Variants in SLC38A10 observed in about 807,000 individuals in gnomAD.
SLC38A10 encodes the protein Sodium-coupled neutral amino acid transporter 10.
In SLC38A10, 53 loss-of-function variants were observed where a neutral mutation model predicts 81.0. The observed-to-expected ratio is 0.65, with a 90% CI of 0.53 to 0.82. SLC38A10 has a LOEUF of 0.82. Ranked by LOEUF, SLC38A10 falls within the 40% of genes least tolerant of loss-of-function variation. SLC38A10 has a pLI of 0.00. For synonymous variants in SLC38A10, 665 were observed against 655.3 expected (o/e 1.01, Z -0.23); for missense variants, 1,471 against 1,545.0 (o/e 0.95, Z 0.80).
chr17:81,260,431 C>G (rs2063011702), intron 10 of SLC38A10, 37 bp from the exon 11 acceptor site: 1 of 1,585,966 alleles, frequency 6.3e-7, no homozygotes, highest in Non-Finnish European at 8.6e-7. Flanking sequence ...GGAGTCACAG[C>G]TGGCCCCCGC....
At position 81,276,155 on chromosome 17, in the gene SLC38A10, T is replaced by C. The variant is rs1263535630; in HGVS notation, c.730-4A>G. The C allele has an allele frequency of 6.2e-7, 1 of 1,606,810 alleles. No homozygotes were observed. The highest frequency in any genetic ancestry group is 2.2e-5 in the East Asian group (1 of 44,650). Reference sequence around the variant, plus strand: ...TGACGTAGCCGAAAAACCCCACCTGTTGGAGAATAAGAAATGGCAACGTGG... The same window carrying C: ...TGACGTAGCCGAAAAACCCCACCTGCTGGAGAATAAGAAATGGCAACGTGG... On this transcript the variant is annotated splice_region_variant and splice_polypyrimidine_tract_variant and intron_variant, in intron 7 of 15. Coordinates refer to ENST00000374759, the MANE Select transcript of SLC38A10 (RefSeq NM_001037984.3). The surrounding 1 kb of genome is among the most constrained non-coding windows in gnomAD (Gnocchi z 4.7).
At chr17:81,268,092 TGATGAACGCCAAGCAGAA>T (rs1049103957) in intron 10 of SLC38A10, among the ~76,000 whole-genome samples, 38 of 151,654 alleles carry the variant, frequency 2.5e-4, no homozygotes, top group Admixed American at 2.0e-3. Context: ...GCCAGCAAGA[TGATGAACGCCAAGCAGAA>T]GATGAACGCC....
chr17:81,285,157 CAAAG>C (rs2063252473), intron 2 of SLC38A10: 2 of 384,590 alleles, frequency 5.2e-6, no homozygotes, highest in South Asian at 5.2e-5. Context: ...TTTTAACAGA[CAAAG>C]AGACAAGTCC....
chr17:81,285,066 T>G, intron 2 of SLC38A10, 171 bp from the exon 3 acceptor site: 1 of 490,552 alleles, frequency 2.0e-6, no homozygotes, highest in Non-Finnish European at 3.7e-6. Context: ...TTGGATCTAC[T>G]GTCTGCAAAT....
chr17:81,293,111 C>T (rs193253877), intron 1 of SLC38A10, among the ~76,000 whole-genome samples: 50 of 152,322 alleles, frequency 3.3e-4, no homozygotes, highest in African/African-American at 1.2e-3. Context: ...TGCAGTGAGC[C>T]GAGACTGCAC....
intron 14 of SLC38A10, among the ~76,000 whole-genome samples, chr17:81,249,910 G>A (rs372081457): frequency 1.8e-4 from 28 of 152,254 alleles, no homozygotes; most frequent in East Asian, 7.7e-4. Context: ...CCCTGCCTGA[G>A]GGGCTGTGGC....
chr17:81,287,964 C>A (rs1455571583), intron 2 of SLC38A10, among the ~76,000 whole-genome samples: 1 of 152,240 alleles, frequency 6.6e-6, no homozygotes, highest in Non-Finnish European at 1.5e-5. Flanking sequence ...CCCGCCCAGG[C>A]ACGGTGCCTC....
chr17:81,295,110 G>A lies in SLC38A10; in HGVS notation c.-189C>T, dbSNP rs1317054451. 1 of 1,100,654 alleles carries A rather than the reference G, an allele frequency of 9.1e-7. No individual in the cohort carries two copies. Among genetic ancestry groups the A allele is most frequent in the Non-Finnish European group, 1.1e-6 (1 of 872,968 alleles). The allele number at this position is 1,100,654 out of a possible 1,614,324, so 68.2% of individuals were successfully genotyped here. On this transcript the variant is annotated 5_prime_UTR_variant, in exon 1 of 16. Transcript: ENST00000374759. The stretch of plus-strand genomic sequence containing the variant: ...CGGGCCCCAGAGGCTGCCTGGAGGA[G>A]GCAGCCTCGAAGGCCGGCTGCGGGG...
intron 2 of SLC38A10, among the ~76,000 whole-genome samples, chr17:81,287,407 G>A (rs2063276697): frequency 6.6e-6 from 1 of 152,276 alleles, no homozygotes; most frequent in South Asian, 2.1e-4. Flanking sequence ...CAAGGGCCTC[G>A]CCTCAGCTCC....
rs182086387 is a variant in SLC38A10, at chr17:81,283,155, C to T, written c.357+254G>A. Among the ~76,000 whole-genome samples the T allele has an allele frequency of 9.0e-4, 137 of 152,274 alleles. No homozygotes were observed. The highest frequency in any genetic ancestry group is 1.6e-3 in the Non-Finnish European group (107 of 68,012). On this transcript the variant is annotated intron_variant, in intron 4 of 15. Transcript: ENST00000374759. The surrounding 1 kb of genome is among the most constrained non-coding windows in gnomAD (Gnocchi z 4.7). Reference sequence around the variant, plus strand: ...GCAGAGACTTGCTCTGCACTGTGCCCGGGTCTGAGGCTCCCCCACCCGCCC... The same window carrying T: ...GCAGAGACTTGCTCTGCACTGTGCCTGGGTCTGAGGCTCCCCCACCCGCCC...
At chr17:81,274,746 C>G (rs939881197) in intron 8 of SLC38A10, among the ~76,000 whole-genome samples, 9 of 152,126 alleles carry the variant, frequency 5.9e-5, no homozygotes, top group Non-Finnish European at 1.3e-4. Flanking sequence ...ACGCTCGGGG[C>G]GAAAGACAGC....
At chr17:81,263,546 C>A (rs1401332259) in intron 10 of SLC38A10, 1 of 152,416 alleles carries the variant, frequency 6.6e-6, no homozygotes, top group African/African-American at 2.4e-5. Flanking sequence ...TTGCTGAGAC[C>A]CCTCGTCCTG....
At position 81,276,526 on chromosome 17, in the gene SLC38A10, G is replaced by A. The variant is rs1041472456; in HGVS notation, c.730-375C>T. The stretch of plus-strand genomic sequence containing the variant: ...CCTGCCTCAGCCTCCCGAGTAGCCG[G>A]GTTTACATGCACGTGCCACCATGCC... On this transcript the variant is annotated intron_variant, in intron 7 of 15. Coordinates refer to ENST00000374759, the MANE Select transcript of SLC38A10 (RefSeq NM_001037984.3). This position sits in a 1 kb window ranked among gnomAD's most constrained non-coding sequence, Gnocchi z 4.7. Among the ~76,000 whole-genome samples the A allele has an allele frequency of 1.3e-5, 2 of 151,840 alleles. No homozygotes were observed. Among genetic ancestry groups the A allele is most frequent in the Admixed American group, 6.6e-5 (1 of 15,236 alleles).
At position 81,277,225 on chromosome 17, in the gene SLC38A10, G is replaced by A. The variant is rs1392674072; in HGVS notation, c.627-92C>T. 93 of 1,121,682 alleles carry A rather than the reference G, an allele frequency of 8.3e-5. No individual in the cohort carries two copies. The Admixed American group carries it at 1.7e-3, about 21-fold the overall frequency. 69.5% of individuals were successfully genotyped at this position (1,121,682 alleles called of 1,614,324 possible). A position where few individuals can be genotyped will look rare whatever the true frequency, so the allele number is the denominator to read the frequency against. The stretch of plus-strand genomic sequence containing the variant: ...CTAGGACCTCTCTGCAGCCCAGTGA[G>A]AGTCTCTGACCTTCCTTCATGCAAC... On this transcript the variant is annotated intron_variant, in intron 6 of 15. Transcript: ENST00000374759. The surrounding 1 kb of genome is among the most constrained non-coding windows in gnomAD (Gnocchi z 4.5).
rs747119920 is a variant in SLC38A10 at position 81,289,650 on chromosome 17, C to T, written c.217+41G>A. ...AAATAAATAAATGGAATAAGGCCCC[C>T]GCCCCAGGTCCAGAGCCACCTTGTG... On this transcript the variant is annotated intron_variant, in intron 2 of 15. Transcript: ENST00000374759. The surrounding 1 kb of genome is among the most constrained non-coding windows in gnomAD (Gnocchi z 5.9). 12 of 1,414,132 alleles carry T rather than the reference C, an allele frequency of 8.5e-6. No homozygotes were observed. Among genetic ancestry groups the T allele is most frequent in the Admixed American group, 2.2e-5 (1 of 45,928 alleles). 87.6% of individuals were successfully genotyped at this position (1,414,132 alleles called of 1,614,324 possible).
At position 81,276,388 on chromosome 17, in the gene SLC38A10, CTT is replaced by C. The variant is rs550850293; in HGVS notation, c.730-239_730-238del. Among the ~76,000 whole-genome samples the C allele has an allele frequency of 1.5e-4, 22 of 142,446 alleles. No homozygotes were observed. Among genetic ancestry groups the C allele is most frequent in the Non-Finnish European group, 1.5e-4 (10 of 64,982 alleles). The allele number at this position is 142,446 out of a possible 152,430, so 93.5% of individuals were successfully genotyped here. On this transcript the variant is annotated intron_variant, in intron 7 of 15. Transcript: ENST00000374759. This position sits in a 1 kb window ranked among gnomAD's most constrained non-coding sequence, Gnocchi z 4.7. ...CATGCCCATTTCTTTCTTTTTCTTT[CTT>C]TTTTTTTTTTTTTGAGACGGGGTCT...
At position 81,245,949 on chromosome 17, in the gene SLC38A10, G is replaced by A. The variant is rs772463163; in HGVS notation, c.2967C>T (p.Arg989=). Residue 989 remains arginine, a synonymous_variant, in exon 16 of 16, where the codon CGC becomes CGT. Transcript: ENST00000374759. ...HGGHLEMRKA[R]GGDHVPVSHE... ...GGGACACAGGCACATGGTCCCCCCC[G>A]CGGGCCTTTCTCATCTCCAGGTGAC... 14 of 1,605,930 alleles carry A rather than the reference G, an allele frequency of 8.7e-6. No individual in the cohort carries two copies. Among genetic ancestry groups the A allele is most frequent in the East Asian group, 2.2e-5 (1 of 44,718 alleles).
At chr17:81,279,574 A>C (rs1329667734) in intron 6 of SLC38A10, 1 of 152,726 alleles carries the variant, frequency 6.5e-6, no homozygotes, top group Non-Finnish European at 1.5e-5. Flanking sequence ...GCACATCCTC[A>C]GGGCGGGACA....
intron 11 of SLC38A10, among the ~76,000 whole-genome samples, chr17:81,254,125 A>G (rs2062950919): frequency 6.6e-6 from 1 of 151,714 alleles, no homozygotes; most frequent in African/African-American, 2.4e-5. Context: ...CAGCAAGGCC[A>G]TATGTCCACT....
Sources: allele counts gnomAD v4.1 joint callset (sites outside exome capture counted in the v4.1 genomes callset), GRCh38; gene constraint gnomAD v4.1.1; non-coding constraint Gnocchi (gnomAD v3.1); transcripts MANE v1.5; gene names NCBI Gene and HGNC (gene_info 2026-07-23, HGNC 2026-07-21).